PBX1: variants seen among roughly 807,000 people sequenced by gnomAD.
The protein encoded by PBX1 is PBX homeobox 1, also known as pre-B-cell leukemia transcription factor 1.
In PBX1, 6 loss-of-function variants were observed where a neutral mutation model predicts 53.4. The observed-to-expected ratio is 0.11, with a 90% CI of 0.06 to 0.22. PBX1 has a LOEUF of 0.22. Ranked by LOEUF, PBX1 falls within the 10% of genes least tolerant of loss-of-function variation. The pLI, the probability that PBX1 is intolerant of heterozygous loss-of-function variation, is 1.00. For missense variants in PBX1, 251 were observed against 551.4 expected (o/e 0.46, Z 5.46); for synonymous variants, 204 against 212.3 (o/e 0.96, Z 0.34).
intron 2 of PBX1, among the ~76,000 whole-genome samples, chr1:164,788,169 G>A (rs976576113): frequency 6.6e-6 from 1 of 152,172 alleles, no homozygotes; most frequent in Non-Finnish European, 1.5e-5. Context: ...TAACAGCTCC[G>A]CTGGTTGAAA....
chr1:164,646,011 G>A (rs1659434469), intron 2 of PBX1, among the ~76,000 whole-genome samples: 1 of 152,156 alleles, frequency 6.6e-6, no homozygotes, highest in Non-Finnish European at 1.5e-5. Flanking sequence ...ATCTATAAGT[G>A]GGGATTATGG....
chr1:164,849,929 C>T lies in PBX1; in HGVS notation c.*3253C>T, dbSNP rs747512058. 1.9e-4 allele frequency: 43 copies of T among 228,256 alleles called. No homozygotes were observed. The highest frequency in any genetic ancestry group is 3.0e-4 in the Non-Finnish European group (35 of 115,070). 14.1% of individuals were successfully genotyped at this position (228,256 alleles called of 1,614,324 possible). Reference sequence around the variant, plus strand: ...TTAAAAGAAACAAAAAAATACTCAACGATTCTTTCAGCTTTATTAACATTT... The same window carrying T: ...TTAAAAGAAACAAAAAAATACTCAATGATTCTTTCAGCTTTATTAACATTT... On this transcript the variant is annotated 3_prime_UTR_variant, in exon 9 of 9. Transcript: ENST00000420696.
intron 2 of PBX1, among the ~76,000 whole-genome samples, chr1:164,622,613 T>C (rs1657756597): frequency 6.6e-6 from 1 of 152,184 alleles, no homozygotes. Flanking sequence ...ACCCATCATG[T>C]ACTTGGCCAC....
At chr1:164,591,498 A>C (rs1423714585) in intron 2 of PBX1, among the ~76,000 whole-genome samples, 1 of 152,066 alleles carries the variant, frequency 6.6e-6, no homozygotes, top group Non-Finnish European at 1.5e-5. Context: ...AAACGGGTTC[A>C]TGTGAATGTT....
intron 2 of PBX1, among the ~76,000 whole-genome samples, chr1:164,582,494 C>G (rs1205182299): frequency 2.0e-5 from 3 of 151,504 alleles, no homozygotes; most frequent in Non-Finnish European, 4.4e-5. Flanking sequence ...GCGATCTCAG[C>G]TCACTGCAAC....
At chr1:164,562,607 A>G (rs1653143482) in intron 1 of PBX1, among the ~76,000 whole-genome samples, 1 of 152,332 alleles carries the variant, frequency 6.6e-6, no homozygotes, top group Middle Eastern at 3.4e-3. Flanking sequence ...CAGTGTGTGC[A>G]CAGAAGCATA....
chr1:164,825,757 G>A (rs888435387), intron 8 of PBX1, among the ~76,000 whole-genome samples: 1 of 152,088 alleles, frequency 6.6e-6, no homozygotes, highest in Non-Finnish European at 1.5e-5. Flanking sequence ...TATGAATTTT[G>A]TAAAATTTCT....
chr1:164,864,845 A>G (rs1313758674), intron 2 of PBX1, among the ~76,000 whole-genome samples: 1 of 152,222 alleles, frequency 6.6e-6, no homozygotes, highest in African/African-American at 2.4e-5. Context: ...TGTGCCAGGC[A>G]GTAAAGGTGT....
At chr1:164,820,416 A>T (rs983656563) in intron 7 of PBX1, among the ~76,000 whole-genome samples, 2 of 152,184 alleles carry the variant, frequency 1.3e-5, no homozygotes, top group African/African-American at 4.8e-5. Context: ...CAGGAGAAGA[A>T]CAGTAAGCAC....
intron 3 of PBX1, among the ~76,000 whole-genome samples, chr1:164,797,850 G>A (rs1044913449): frequency 1.3e-5 from 2 of 152,100 alleles, no homozygotes; most frequent in East Asian, 1.9e-4. Context: ...TTAGAAAAAC[G>A]AGGCACAGAT....
At chr1:164,650,846 T>C (rs1417151407) in intron 2 of PBX1, among the ~76,000 whole-genome samples, 1 of 151,934 alleles carries the variant, frequency 6.6e-6, no homozygotes, top group Non-Finnish European at 1.5e-5. Context: ...GGAAGTAGCA[T>C]TTCAGATCCT....
At chr1:164,867,630 C>G (rs192718337) in intron 2 of PBX1, among the ~76,000 whole-genome samples, 2 of 152,218 alleles carry the variant, frequency 1.3e-5, no homozygotes, top group South Asian at 4.1e-4. Context: ...GGAGGGTTCA[C>G]GAAACATTTG....
chr1:164,589,195 C>T (rs1246600999), intron 2 of PBX1, among the ~76,000 whole-genome samples: 2 of 151,908 alleles, frequency 1.3e-5, no homozygotes, highest in African/African-American at 2.4e-5. Context: ...ATTAACTCGC[C>T]GGGCCCTTAA....
At chr1:164,590,649 A>G (rs1389377298) in intron 2 of PBX1, among the ~76,000 whole-genome samples, 1 of 152,166 alleles carries the variant, frequency 6.6e-6, no homozygotes, top group Non-Finnish European at 1.5e-5. Flanking sequence ...GTATGCTTTT[A>G]CCTAGCCCTT....
chr1:164,559,794 A>G lies in PBX1; in HGVS notation c.-29A>G, dbSNP rs1261788379. 2.0e-6 allele frequency: 3 copies of G among 1,519,254 alleles called. No homozygotes were observed. Among genetic ancestry groups the G allele is most frequent in the Admixed American group, 4.2e-5 (2 of 47,402 alleles). The allele number at this position is 1,519,254 out of a possible 1,614,324, so 94.1% of individuals were successfully genotyped here. On this transcript the variant is annotated 5_prime_UTR_variant, in exon 1 of 9. Transcript: ENST00000420696. ...AGCCGAGCCGAGGAGCAGAAGAGGA[A>G]GAGCCGGGGGCTGCCGTAGCCTTTG...
intron 2 of PBX1, among the ~76,000 whole-genome samples, chr1:164,601,446 C>G (rs188267731): frequency 1.3e-5 from 2 of 152,050 alleles, no homozygotes; most frequent in African/African-American, 4.8e-5. Flanking sequence ...AAGCCTCATT[C>G]ACTTTCAGGT....
intron 2 of PBX1, among the ~76,000 whole-genome samples, chr1:164,717,062 C>T (rs559252530): frequency 2.0e-5 from 3 of 152,186 alleles, no homozygotes; most frequent in South Asian, 2.1e-4. Context: ...ACCAAATACA[C>T]GAACGCAGAA....
chr1:164,852,987 A>G (rs558620783), downstream of PBX1, among the ~76,000 whole-genome samples: 10 of 152,348 alleles, frequency 6.6e-5, no homozygotes, highest in African/African-American at 2.4e-4. Context: ...GTGGTACTAA[A>G]TAGATGTAAG....
At chr1:164,594,648 A>T (rs954512756) in intron 2 of PBX1, among the ~76,000 whole-genome samples, 4 of 152,246 alleles carry the variant, frequency 2.6e-5, no homozygotes, top group Admixed American at 6.5e-5. Context: ...AGAAAAGTTT[A>T]AAAAAGGTGA....
Sources: gnomAD v4.1 joint callset for allele counts (sites outside exome capture counted in the v4.1 genomes callset) on GRCh38, gnomAD v4.1.1 for gene constraint, MANE v1.5 for transcripts, NCBI Gene and HGNC (gene_info 2026-07-23, HGNC 2026-07-21) for gene names.